Variants in CHM observed in about 807,000 individuals in gnomAD.
CHM encodes rab proteins geranylgeranyltransferase component A 1.
A neutral mutation model predicts 49.0 loss-of-function variants in CHM; 10 were observed. The ratio of observed to expected loss-of-function variants is 0.20; its 90% CI spans 0.13 to 0.35. The LOEUF is 0.35. Ranked by LOEUF, CHM falls within the 10% of genes least tolerant of loss-of-function variation. The pLI, the probability that CHM is intolerant of heterozygous loss-of-function variation, is 1.00. For missense variants in CHM, 455 were observed against 478.4 expected (o/e 0.95, Z 0.46); for synonymous variants, 184 against 167.5 (o/e 1.10, Z -0.76).
At chrX:85,914,838 C>A (rs189191362) in intron 8 of CHM, among the ~76,000 whole-genome samples, 1 of 110,859 alleles carries the variant, frequency 9.0e-6, no homozygotes, top group Non-Finnish European at 1.9e-5. Context: ...GGGAACACCT[C>A]ACCTTCTCCA....
At chrX:86,010,214 G>A (rs1429600969) in intron 2 of CHM, among the ~76,000 whole-genome samples, 11 of 88,823 alleles carry the variant, frequency 1.2e-4, no homozygotes, top group Non-Finnish European at 1.8e-4. Flanking sequence ...GGGTGGGGGG[G>A]GCTGGAGGAG....
intron 1 of CHM, among the ~76,000 whole-genome samples, chrX:86,037,881 G>GT (rs1350386148): frequency 9.0e-6 from 1 of 110,963 alleles, no homozygotes; most frequent in African/African-American, 3.3e-5. Context: ...GTTGAAGACT[G>GT]TAGGAAACAA....
intron 2 of CHM, among the ~76,000 whole-genome samples, chrX:86,004,683 TAA>T (rs1415604758): frequency 9.0e-6 from 1 of 111,285 alleles, no homozygotes; most frequent in Non-Finnish European, 1.9e-5. Context: ...TACATAACGG[TAA>T]AGGGATCAAT....
At chrX:85,877,740 TA>T (rs374362991) in intron 13 of CHM, among the ~76,000 whole-genome samples, 19 of 106,640 alleles carry the variant, frequency 1.8e-4, no homozygotes, top group South Asian at 4.1e-4. Context: ...CCCATAAAAT[TA>T]AAAAAAAAAT....
chrX:85,915,691 T>C (rs73630483), intron 8 of CHM, among the ~76,000 whole-genome samples: 85 of 111,690 alleles, frequency 7.6e-4, no homozygotes, highest in African/African-American at 2.7e-3. Flanking sequence ...AAGACCACCA[T>C]ACACAATTGC....
At chrX:86,002,846 T>C (rs1196332533) in intron 2 of CHM, among the ~76,000 whole-genome samples, 1 of 112,362 alleles carries the variant, frequency 8.9e-6, no homozygotes, top group Non-Finnish European at 1.9e-5. Flanking sequence ...TTCTGCAGAC[T>C]TAAACATCCC....
rs147848782 is a variant in CHM at position 85,969,220 on chromosome X, A to G, written c.315-5168T>C. On this transcript the variant is annotated intron_variant, in intron 4 of 14. Transcript: ENST00000357749. ...AAAAAGGGAAACAACGTTCAGTACA[A>G]TGCAGAAAATAGGACAGAAAATGTA... 1.3e-4 allele frequency: 94 copies of G among 734,452 alleles called. No individual in the cohort carries two copies. In the Middle Eastern group the frequency reaches 3.9e-3, roughly 30 times the overall value. The allele number at this position is 734,452 out of a possible 1,213,427, so 60.5% of individuals were successfully genotyped here.
At chrX:85,929,637 G>A (rs903784468) in intron 8 of CHM, among the ~76,000 whole-genome samples, 4 of 111,547 alleles carry the variant, frequency 3.6e-5, no homozygotes, top group African/African-American at 6.5e-5. Flanking sequence ...TTCTAAATAC[G>A]CATAAGATAA....
intron 8 of CHM, among the ~76,000 whole-genome samples, chrX:85,940,608 C>G (rs1330845837): frequency 1.2e-5 from 1 of 84,354 alleles, no homozygotes; most frequent in Non-Finnish European, 2.4e-5. Context: ...TTCCCCAACA[C>G]AGAGAAAATT....
chrX:85,941,939 C>A (rs1312582022), intron 8 of CHM, among the ~76,000 whole-genome samples: 2 of 111,049 alleles, frequency 1.8e-5, no homozygotes, highest in East Asian at 5.7e-4. Flanking sequence ...CTTGGGCAAG[C>A]AATATTAAAA....
At chrX:85,905,266 C>T (rs905743461) in intron 9 of CHM, among the ~76,000 whole-genome samples, 3 of 110,898 alleles carry the variant, frequency 2.7e-5, no homozygotes, top group Non-Finnish European at 5.7e-5. Flanking sequence ...TAAATACTTC[C>T]TGAAACTAGC....
intron 12 of CHM, among the ~76,000 whole-genome samples, chrX:85,888,714 C>T (rs1925253919): frequency 9.0e-6 from 1 of 110,664 alleles, no homozygotes; most frequent in Non-Finnish European, 1.9e-5. Context: ...TTTAAAAACC[C>T]CAACAAAAAC....
chrX:85,901,860 G>T (rs975808814), intron 9 of CHM, among the ~76,000 whole-genome samples: 1 of 111,880 alleles, frequency 8.9e-6, no homozygotes, highest in Admixed American at 9.5e-5. Flanking sequence ...TCTGATATGT[G>T]TTGGAACAAT....
chrX:85,872,930 C>T, intron 14 of CHM, 122 bp downstream of exon 14: 2 of 626,223 alleles, frequency 3.2e-6, no homozygotes, highest in Non-Finnish European at 4.9e-6. Flanking sequence ...ACTTTTAGGG[C>T]AAATTACAGA....
chrX:86,014,380 T>C (rs1348540941), intron 2 of CHM, among the ~76,000 whole-genome samples: 1 of 112,223 alleles, frequency 8.9e-6, no homozygotes, highest in African/African-American at 3.2e-5. Flanking sequence ...ACTGCCTGAC[T>C]ATAAACACAA....
At chrX:85,942,704 A>G (rs1465658084) in intron 8 of CHM, among the ~76,000 whole-genome samples, 1 of 109,844 alleles carries the variant, frequency 9.1e-6, no homozygotes, top group Non-Finnish European at 1.9e-5. Context: ...GCTCTATGAC[A>G]CTGTGGGAGG....
chrX:86,045,556 G>A (rs911373603), intron 1 of CHM, among the ~76,000 whole-genome samples: 50 of 111,467 alleles, frequency 4.5e-4, no homozygotes, highest in African/African-American at 1.5e-3. Flanking sequence ...TGCACTCACT[G>A]GGATAAGTAT....
rs760855490 is a variant in CHM at position 85,970,236 on chromosome X, C to A, written c.315-6184G>T. 5.4e-6 allele frequency: 4 copies of A among 734,560 alleles called. No homozygotes were observed. In the African/African-American group the frequency reaches 9.3e-5, roughly 17 times the overall value. 60.5% of individuals were successfully genotyped at this position (734,560 alleles called of 1,213,427 possible). A position where few individuals can be genotyped will look rare whatever the true frequency, so the allele number is the denominator to read the frequency against. On this transcript the variant is annotated intron_variant, in intron 4 of 14. Coordinates refer to ENST00000357749, the MANE Select transcript of CHM (RefSeq NM_000390.4). ...TTATTATGTATCAATTTAAAAAATC[C>A]CATGGCATATAAACTGGTCTCAACA... is the stretch of plus-strand genomic sequence containing the variant.
intron 1 of CHM, among the ~76,000 whole-genome samples, chrX:86,031,948 T>C (rs1416374142): frequency 3.5e-5 from 4 of 112,972 alleles, no homozygotes; most frequent in Admixed American, 2.8e-4. Context: ...TAAATTAATA[T>C]TTCTAAGTGC....
Sources: gnomAD v4.1 joint callset for allele counts (sites outside exome capture counted in the v4.1 genomes callset) on GRCh38, gnomAD v4.1.1 for gene constraint, MANE v1.5 for transcripts, NCBI Gene and HGNC (gene_info 2026-07-23, HGNC 2026-07-21) for gene names.